The following RAD51B variants were observed in gnomAD, a reference collection of about 807,000 sequenced individuals.
RAD51B encodes the protein DNA repair protein RAD51 homolog 2.
A neutral mutation model predicts 42.2 loss-of-function variants in RAD51B; 38 were observed. The observed-to-expected ratio is 0.90, with a 90% CI of 0.70 to 1.18. The LOEUF (loss-of-function observed/expected upper bound fraction) is 1.18, where lower values mean the gene tolerates loss of function less well. Among genes scored for constraint, RAD51B ranks in the 50% most tolerant of loss-of-function variants. RAD51B has a pLI of 0.00. For synonymous variants in RAD51B, 154 were observed against 145.2 expected (o/e 1.06, Z -0.43); for missense variants, 373 against 400.7 (o/e 0.93, Z 0.59).
At chr14:68,414,797 G>A (rs569390660) in intron 9 of RAD51B, among the ~76,000 whole-genome samples, 13 of 148,088 alleles carry the variant, frequency 8.8e-5, no homozygotes, top group Admixed American at 7.5e-4. Context: ...CAAGGTGGGT[G>A]AATCGCCTCA....
At chr14:67,967,672 A>C (rs539179622) in intron 7 of RAD51B, among the ~76,000 whole-genome samples, 1 of 152,334 alleles carries the variant, frequency 6.6e-6, no homozygotes, top group East Asian at 1.9e-4. Context: ...TGTAAGAGGT[A>C]GGTTCCCACA....
chr14:68,458,488 T>A (rs959147247), intron 9 of RAD51B, among the ~76,000 whole-genome samples: 4 of 152,136 alleles, frequency 2.6e-5, no homozygotes, highest in African/African-American at 9.7e-5. Flanking sequence ...GCCCTAGCTC[T>A]TTTCTAGGCA....
chr14:68,502,397 C>T lies in RAD51B; in HGVS notation c.1036+34147C>T, dbSNP rs140219164. ...GCACAGCTGCAGTTCCGACTCCCCC[C>T]ACGGGCCGCCCGGGACTTTCTGAAG... On this transcript the variant is annotated intron_variant, in intron 10 of 10. Coordinates refer to the RAD51B transcript ENST00000487270. Among the ~76,000 whole-genome samples, 8 of 152,322 alleles carry T rather than the reference C, an allele frequency of 5.3e-5. No individual in the cohort carries two copies. In the East Asian group the frequency reaches 1.4e-3, roughly 26 times the overall value.
At chr14:67,949,672 A>G (rs1366995798) in intron 7 of RAD51B, among the ~76,000 whole-genome samples, 1 of 152,192 alleles carries the variant, frequency 6.6e-6, no homozygotes, top group East Asian at 1.9e-4. Context: ...AAGAATTTCA[A>G]TTTTCTTTAT....
chr14:68,051,373 C>T (rs1025101945), intron 7 of RAD51B, among the ~76,000 whole-genome samples: 7 of 151,940 alleles, frequency 4.6e-5, no homozygotes, highest in Admixed American at 1.3e-4. Context: ...TACTAGTCTA[C>T]TTTTGAAATT....
In RAD51B at chr14:68,490,096, G is replaced by A. The variant is rs181327642; in HGVS notation, c.1036+21846G>A. Among the ~76,000 whole-genome samples the A allele has an allele frequency of 9.7e-4, 148 of 152,332 alleles. 1 individual carries two copies. The highest frequency in any genetic ancestry group is 2.3e-3 in the East Asian group (12 of 5,186). ...AAGATCCAATCAAGTGTGGATGGTTGCCTTTTGGATAGGACCCTGGAGAAG... is the reference window on the plus strand; with the variant it reads ...AAGATCCAATCAAGTGTGGATGGTTACCTTTTGGATAGGACCCTGGAGAAG... On this transcript the variant is annotated intron_variant, in intron 10 of 10. Coordinates refer to the RAD51B transcript ENST00000487270.
chr14:68,665,748 T>A (rs1893020429), intron 11 of RAD51B, among the ~76,000 whole-genome samples: 1 of 152,230 alleles, frequency 6.6e-6, no homozygotes, highest in South Asian at 2.1e-4. Flanking sequence ...GCTTTCTTAT[T>A]TAAGTGACCT....
At chr14:68,488,374 T>G (rs1171250922) in intron 10 of RAD51B, among the ~76,000 whole-genome samples, 2 of 152,102 alleles carry the variant, frequency 1.3e-5, no homozygotes, top group African/African-American at 4.8e-5. Flanking sequence ...TGACAAAGAC[T>G]CTCATTCTGA....
At chr14:68,072,094 T>TA (rs1237878835) in intron 7 of RAD51B, among the ~76,000 whole-genome samples, 1 of 133,140 alleles carries the variant, frequency 7.5e-6, no homozygotes, top group Non-Finnish European at 1.6e-5. Context: ...TATAAATATA[T>TA]AATATATAAA....
At chr14:68,497,357 T>A (rs1043016531) in intron 10 of RAD51B, 3 of 1,227,940 alleles carry the variant, frequency 2.4e-6, no homozygotes, top group Non-Finnish European at 3.1e-6. Flanking sequence ...ATCTGCATCA[T>A]AAGCTGATTT....
At chr14:68,571,373 G>A (rs1481782881) in intron 10 of RAD51B, among the ~76,000 whole-genome samples, 5 of 152,312 alleles carry the variant, frequency 3.3e-5, no homozygotes, top group Non-Finnish European at 5.9e-5. Context: ...AATCAGTGTC[G>A]TCAGGGCAGT....
chr14:68,510,489 G>GAGCCC (rs1885652161), intron 10 of RAD51B, among the ~76,000 whole-genome samples: 2 of 152,320 alleles, frequency 1.3e-5, no homozygotes, highest in East Asian at 3.9e-4. Context: ...CCAGCCTCTG[G>GAGCCC]AGCCCGGCTC....
At chr14:68,113,238 A>G (rs182745990) in intron 7 of RAD51B, among the ~76,000 whole-genome samples, 1 of 152,272 alleles carries the variant, frequency 6.6e-6, no homozygotes, top group African/African-American at 2.4e-5. Context: ...TTCACCATGC[A>G]TAATAACAAA....
chr14:68,101,017 T>C (rs1365139231), intron 7 of RAD51B, among the ~76,000 whole-genome samples: 1 of 152,188 alleles, frequency 6.6e-6, no homozygotes, highest in Non-Finnish European at 1.5e-5. Flanking sequence ...AGCAAATATG[T>C]CCTTCTTCAC....
intron 7 of RAD51B, among the ~76,000 whole-genome samples, chr14:68,248,962 G>A (rs188829361): frequency 6.6e-6 from 1 of 152,272 alleles, no homozygotes; most frequent in Non-Finnish European, 1.5e-5. Flanking sequence ...TGGGGGTAAG[G>A]CACCTGAGTC....
At chr14:68,586,493 G>A (rs375359121) in intron 10 of RAD51B, among the ~76,000 whole-genome samples, 6 of 152,330 alleles carry the variant, frequency 3.9e-5, no homozygotes, top group African/African-American at 1.2e-4. Context: ...AGTTCTAAGG[G>A]TGATGTCAGG....
chr14:68,323,823 T>C (rs925255849), intron 8 of RAD51B, among the ~76,000 whole-genome samples: 2 of 152,194 alleles, frequency 1.3e-5, no homozygotes, highest in African/African-American at 4.8e-5. Flanking sequence ...GAGAAAGTGA[T>C]GCACTGATGC....
chr14:68,392,372 C>G (rs2083783034), intron 8 of RAD51B, among the ~76,000 whole-genome samples: 1 of 152,156 alleles, frequency 6.6e-6, no homozygotes, highest in African/African-American at 2.4e-5. Flanking sequence ...AGGACCAAGG[C>G]ACAGCTCAAG....
chr14:68,415,122 A>G (rs561267259), intron 9 of RAD51B, among the ~76,000 whole-genome samples: 11 of 151,566 alleles, frequency 7.3e-5, no homozygotes, highest in South Asian at 2.1e-4. Flanking sequence ...ACCAATGCCA[A>G]TGCCCCACCC....
Sources: allele counts gnomAD v4.1 joint callset (sites outside exome capture counted in the v4.1 genomes callset), GRCh38; gene constraint gnomAD v4.1.1; transcripts MANE v1.5; gene names NCBI Gene and HGNC (gene_info 2026-07-23, HGNC 2026-07-21).